TCAIM: variants seen among roughly 807,000 people sequenced by gnomAD.
TCAIM encodes the protein T cell activation inhibitor, mitochondrial, also known as T-cell activation inhibitor, mitochondrial.
A neutral mutation model predicts 58.6 loss-of-function variants in TCAIM; 36 were observed. That is an observed-to-expected ratio of 0.61 (90% CI 0.47 to 0.81). TCAIM has a LOEUF of 0.81. TCAIM is among the 30% of genes least tolerant of loss of function. TCAIM has a pLI of 0.00. For missense variants in TCAIM, 466 were observed against 579.6 expected, an observed-to-expected ratio of 0.80 and a Z score of 2.01; for synonymous variants, 172 against 193.6, an observed-to-expected ratio of 0.89 and a Z score of 0.93.
chr3:44,377,054 C>T (rs1442653451), intron 5 of TCAIM, among the ~76,000 whole-genome samples: 2 of 152,206 alleles, frequency 1.3e-5, no homozygotes, highest in African/African-American at 2.4e-5. Context: ...CATGCCACTG[C>T]ACTCCAGCCT....
At chr3:44,370,871 A>G (rs537942940) in intron 5 of TCAIM, among the ~76,000 whole-genome samples, 2 of 149,342 alleles carry the variant, frequency 1.3e-5, no homozygotes, top group South Asian at 4.3e-4. Flanking sequence ...CCTTTGGAGT[A>G]GCTGGGACTA....
chr3:44,378,345 A>T (rs1399554834), intron 5 of TCAIM, among the ~76,000 whole-genome samples: 3 of 151,776 alleles, frequency 2.0e-5, no homozygotes. Context: ...GTGCCACTGC[A>T]CTCCAGCCTG....
intron 5 of TCAIM, among the ~76,000 whole-genome samples, chr3:44,378,208 C>A (rs1000280920): frequency 2.2e-4 from 33 of 151,902 alleles, no homozygotes; most frequent in African/African-American, 7.7e-4. Flanking sequence ...TGGTGAAACC[C>A]CGTCTCTACT....
At chr3:44,349,967 C>G (rs759715775) in intron 1 of TCAIM, among the ~76,000 whole-genome samples, 10 of 152,126 alleles carry the variant, frequency 6.6e-5, no homozygotes, top group Non-Finnish European at 1.2e-4. Context: ...GAGCAAAGAG[C>G]AGGGGGACAG....
chr3:44,369,365 A>G (rs1386082695), intron 5 of TCAIM, among the ~76,000 whole-genome samples: 2 of 152,330 alleles, frequency 1.3e-5, no homozygotes, highest in African/African-American at 2.4e-5. Flanking sequence ...CAAAACAGCA[A>G]AAGTAACAGT....
chr3:44,344,296 CTCAGAAATGCT>C (rs1380244955), intron 1 of TCAIM, among the ~76,000 whole-genome samples: 1 of 152,180 alleles, frequency 6.6e-6, no homozygotes, highest in Admixed American at 6.5e-5. Flanking sequence ...CATACCGAGC[CTCAGAAATGCT>C]TCTGAAATGC....
At chr3:44,352,980 G>A (rs934619365) in intron 1 of TCAIM, among the ~76,000 whole-genome samples, 1 of 143,300 alleles carries the variant, frequency 7.0e-6, no homozygotes, top group Non-Finnish European at 1.5e-5. Flanking sequence ...GGAGTGCAAA[G>A]ACGCGATCTC....
rs147340671 is a variant in TCAIM at position 44,381,973 on chromosome 3, T to A, written c.573-10882T>A. On this transcript the variant is annotated intron_variant, in intron 5 of 10. Coordinates refer to ENST00000342649, the MANE Select transcript of TCAIM (RefSeq NM_173826.4). ...ACTATAAAAACATTTCTGAAAGAAATTAGAGAAGATATAAGTAAATGGAAA... is the reference window on the plus strand; with the variant it reads ...ACTATAAAAACATTTCTGAAAGAAAATAGAGAAGATATAAGTAAATGGAAA... Among the ~76,000 whole-genome samples the A allele has an allele frequency of 2.0e-3, 312 of 152,214 alleles. 1 individual carries two copies. The highest frequency in any genetic ancestry group is 6.4e-3 in the African/African-American group (264 of 41,532).
In TCAIM at chr3:44,357,768, C is replaced by T; in HGVS notation, c.57C>T (p.His19=). The part of the protein sequence containing the change: ...RRLCLEKIFP[H]WFPFSRALSG... ...TATGTCTAGAGAAGATATTTCCACA[C>T]TGGTTTCCCTTTTCAAGAGCTTTAT... is the stretch of plus-strand genomic sequence containing the variant. Residue 19 remains histidine, a synonymous_variant, in exon 3 of 11, where the codon CAC becomes CAT. Transcript: ENST00000342649. 1 of 1,614,140 alleles carries T rather than the reference C, an allele frequency of 6.2e-7. No homozygotes were observed. The highest frequency in any genetic ancestry group is 8.5e-7 in the Non-Finnish European group (1 of 1,180,012).
At chr3:44,395,846 C>T (rs1209215619) in intron 6 of TCAIM, among the ~76,000 whole-genome samples, 1 of 152,144 alleles carries the variant, frequency 6.6e-6, no homozygotes, top group Non-Finnish European at 1.5e-5. Context: ...AAGTAGCCGG[C>T]CATGGTGGCA....
intron 1 of TCAIM, chr3:44,339,805 T>C (rs570530640): frequency 1.3e-5 from 2 of 152,344 alleles, no homozygotes; most frequent in South Asian, 2.1e-4. Context: ...TACTGCGTTG[T>C]TTTATACTTA....
rs897387874 is a variant in TCAIM, at chr3:44,386,084, G to A, written c.573-6771G>A. Among the ~76,000 whole-genome samples the A allele has an allele frequency of 4.7e-5, 7 of 149,928 alleles. 1 individual carries two copies. Among genetic ancestry groups the A allele is most frequent in the Middle Eastern group, 3.2e-3 (1 of 312 alleles). On this transcript the variant is annotated intron_variant, in intron 5 of 10. Transcript: ENST00000342649. ...GGAATAGGGCCAGGCAGAGTGGCTCGCACCTATAATCCCAGCTACTCAAGA... is the reference window on the plus strand; with the variant it reads ...GGAATAGGGCCAGGCAGAGTGGCTCACACCTATAATCCCAGCTACTCAAGA...
intron 5 of TCAIM, among the ~76,000 whole-genome samples, chr3:44,372,594 TTTTTTTTC>T (rs1290777376): frequency 6.6e-6 from 1 of 151,892 alleles, no homozygotes; most frequent in African/African-American, 2.4e-5. Context: ...TTTCTTTTTT[TTTTTTTTC>T]TTTTTTTAAG....
At chr3:44,400,030 T>C (rs1701997439) in intron 8 of TCAIM, among the ~76,000 whole-genome samples, 1 of 152,242 alleles carries the variant, frequency 6.6e-6, no homozygotes, top group Admixed American at 6.5e-5. Context: ...CTTTATGCCA[T>C]TTAATAATTC....
At chr3:44,358,745 A>G (rs1701245856) in intron 3 of TCAIM, 1 of 985,552 alleles carries the variant, frequency 1.0e-6, no homozygotes, top group African/African-American at 1.7e-5. Context: ...ACAAAGCCAC[A>G]TGCTTTGGAA....
At chr3:44,382,440 A>G (rs78929650) in intron 5 of TCAIM, among the ~76,000 whole-genome samples, 1 of 152,250 alleles carries the variant, frequency 6.6e-6, no homozygotes, top group Non-Finnish European at 1.5e-5. Flanking sequence ...AGAATACAGC[A>G]GTAAATACTT....
intron 10 of TCAIM, among the ~76,000 whole-genome samples, chr3:44,406,088 T>A (rs1702096620): frequency 6.6e-6 from 1 of 152,154 alleles, no homozygotes; most frequent in Non-Finnish European, 1.5e-5. Flanking sequence ...TCTCAATGCT[T>A]CTCTAAGATT....
intron 5 of TCAIM, among the ~76,000 whole-genome samples, chr3:44,373,653 GA>G: frequency 6.6e-6 from 1 of 151,780 alleles, no homozygotes; most frequent in South Asian, 2.1e-4. Flanking sequence ...GACTCTGTCT[GA>G]AAAAAAGAGA....
At chr3:44,357,707 C>T in intron 2 of TCAIM, 34 bp from the exon 3 acceptor site, 2 of 1,610,226 alleles carry the variant, frequency 1.2e-6, no homozygotes, top group African/African-American at 1.3e-5. Context: ...GTGTGAGTGC[C>T]TCAATGAATA....
Sources: allele counts gnomAD v4.1 joint callset (sites outside exome capture counted in the v4.1 genomes callset), GRCh38; gene constraint gnomAD v4.1.1; transcripts MANE v1.5; gene names NCBI Gene and HGNC (gene_info 2026-07-23, HGNC 2026-07-21).